B3GALT1: variants seen among roughly 807,000 people sequenced by gnomAD.
B3GALT1 encodes the protein beta-1,3-galactosyltransferase 1.
Under a neutral mutation model 23.2 loss-of-function variants are expected in B3GALT1, and 10 were observed. The observed-to-expected ratio is 0.43, with a 90% CI of 0.27 to 0.73. The LOEUF is 0.73. Ranked by LOEUF, B3GALT1 falls within the 30% of genes least tolerant of loss-of-function variation. B3GALT1 has a pLI of 0.21. For synonymous variants in B3GALT1, 156 were observed against 141.5 expected (o/e 1.10, Z -0.73); for missense variants, 299 against 405.4 (o/e 0.74, Z 2.25).
intron 1 of B3GALT1, among the ~76,000 whole-genome samples, chr2:167,330,433 C>T (rs1392487053): frequency 6.6e-6 from 1 of 151,964 alleles, no homozygotes; most frequent in Non-Finnish European, 1.5e-5. Flanking sequence ...ATAGTGAGAC[C>T]CTGTCTCTAC....
chr2:167,570,755 A>AC (rs934939017), intron 2 of B3GALT1, among the ~76,000 whole-genome samples: 55 of 151,718 alleles, frequency 3.6e-4, no homozygotes, highest in East Asian at 1.6e-3. Context: ...TTGTTTTACC[A>AC]CCCCCCAATT....
intron 2 of B3GALT1, among the ~76,000 whole-genome samples, chr2:167,560,316 G>A (rs1683950476): frequency 6.6e-6 from 1 of 152,010 alleles, no homozygotes; most frequent in African/African-American, 2.4e-5. Flanking sequence ...CACTAAACAT[G>A]GAAAGGCACA....
At chr2:167,465,333 T>G (rs1699328164) in intron 1 of B3GALT1, among the ~76,000 whole-genome samples, 2 of 152,214 alleles carry the variant, frequency 1.3e-5, no homozygotes, top group African/African-American at 4.8e-5. Flanking sequence ...TGTCTCAGTC[T>G]GTTCTTACTG....
rs1469608455 is a variant in B3GALT1 at position 167,476,421 on chromosome 2, C to T, written c.-510-13756C>T. On this transcript the variant is annotated intron_variant, in intron 1 of 4. Transcript: ENST00000392690. ...AATATCATATTTGCCCACTGGGTTG[C>T]AGCCTCAAGTCACATTTCAATTCTG... Among the ~76,000 whole-genome samples the T allele has an allele frequency of 3.3e-5, 5 of 152,102 alleles. No homozygotes were observed. The South Asian group carries it at 8.3e-4, about 25-fold the overall frequency.
intron 1 of B3GALT1, among the ~76,000 whole-genome samples, chr2:167,393,980 G>T (rs528094248): frequency 1.3e-5 from 2 of 152,220 alleles, no homozygotes; most frequent in Non-Finnish European, 1.5e-5. Flanking sequence ...TTGAATTAGA[G>T]GTGAGGATGG....
chr2:167,494,184 G>C (rs1365786957), intron 2 of B3GALT1, among the ~76,000 whole-genome samples: 1 of 151,988 alleles, frequency 6.6e-6, no homozygotes, highest in African/African-American at 2.4e-5. Context: ...TTGTGTCTAA[G>C]ATTACAGCAT....
chr2:167,511,095 A>G (rs772753538), intron 2 of B3GALT1, among the ~76,000 whole-genome samples: 1 of 152,236 alleles, frequency 6.6e-6, no homozygotes, highest in Non-Finnish European at 1.5e-5. Flanking sequence ...ATGGATATAC[A>G]GAAGGATGTT....
intron 1 of B3GALT1, among the ~76,000 whole-genome samples, chr2:167,338,210 T>C (rs1008440057): frequency 1.3e-5 from 2 of 152,188 alleles, no homozygotes; most frequent in Non-Finnish European, 2.9e-5. Flanking sequence ...TGTACAGCAG[T>C]CATCAAAAGT....
chr2:167,512,870 A>T (rs1432427056), intron 2 of B3GALT1, among the ~76,000 whole-genome samples: 1 of 148,366 alleles, frequency 6.7e-6, no homozygotes, highest in Admixed American at 6.8e-5. Context: ...TCTCAAACTT[A>T]TGAGCTCGTG....
At chr2:167,342,938 G>A (rs756080068) in intron 1 of B3GALT1, among the ~76,000 whole-genome samples, 32 of 152,192 alleles carry the variant, frequency 2.1e-4, no homozygotes, top group African/African-American at 7.0e-4. Flanking sequence ...ACAAATGCAA[G>A]TGAGCTCTTA....
chr2:167,613,806 GC>G (rs1685110258), intron 2 of B3GALT1, among the ~76,000 whole-genome samples: 1 of 151,526 alleles, frequency 6.6e-6, no homozygotes, highest in African/African-American at 2.4e-5. Context: ...TATGTGGTTT[GC>G]CCCAAGAATA....
intron 2 of B3GALT1, among the ~76,000 whole-genome samples, chr2:167,558,936 G>C (rs975609303): frequency 2.6e-5 from 4 of 152,202 alleles, no homozygotes; most frequent in Non-Finnish European, 5.9e-5. Flanking sequence ...GTCCCTGTCT[G>C]ACAGCTTTGA....
intron 2 of B3GALT1, among the ~76,000 whole-genome samples, chr2:167,642,505 C>T (rs921281020): frequency 1.3e-5 from 2 of 152,164 alleles, no homozygotes; most frequent in African/African-American, 4.8e-5. Context: ...AACTTGTCCT[C>T]TTGAGAGCTC....
intron 3 of B3GALT1, among the ~76,000 whole-genome samples, chr2:167,760,827 G>A (rs1187940575): frequency 6.6e-6 from 1 of 152,124 alleles, no homozygotes; most frequent in African/African-American, 2.4e-5. Context: ...ATATCATGTG[G>A]CACTAGAAAT....
chr2:167,620,251 T>C (rs1366134582), intron 2 of B3GALT1, among the ~76,000 whole-genome samples: 1 of 152,042 alleles, frequency 6.6e-6, no homozygotes, highest in Non-Finnish European at 1.5e-5. Flanking sequence ...GTCCATAGAA[T>C]TGCTAAATAG....
chr2:167,448,511 C>T (rs1274644394), intron 1 of B3GALT1, among the ~76,000 whole-genome samples: 1 of 151,642 alleles, frequency 6.6e-6, no homozygotes, highest in Non-Finnish European at 1.5e-5. Flanking sequence ...TTCTGGATAC[C>T]CGTCCTTTGT....
chr2:167,869,373 A>G lies in B3GALT1; in HGVS notation c.334A>G (p.Ile112Val). The change falls in exon 5 of 5, where the codon ATA becomes GTA. Residue 112 changes from isoleucine to valine, a missense_variant. Transcript: ENST00000392690. The surrounding 1 kb of genome is among the most constrained non-coding windows in gnomAD (Gnocchi z 6.4). ...GDENNFKGIK[I>V]ATLFLLGKNA... ...TGAGAACAACTTTAAGGGGATCAAG[A>G]TAGCCACCCTGTTCCTCCTGGGCAA... The G allele has an allele frequency of 1.2e-6, 2 of 1,614,148 alleles. No individual in the cohort carries two copies. The highest frequency in any genetic ancestry group is 1.7e-6 in the Non-Finnish European group (2 of 1,180,028).
intron 1 of B3GALT1, among the ~76,000 whole-genome samples, chr2:167,423,655 CAA>C (rs1698581253): frequency 6.6e-6 from 1 of 152,068 alleles, no homozygotes; most frequent in African/African-American, 2.4e-5. Context: ...AGTCCCAATC[CAA>C]AGAGAGGTTG....
At chr2:167,294,167 G>A (rs1696309723) in intron 1 of B3GALT1, among the ~76,000 whole-genome samples, 1 of 152,156 alleles carries the variant, frequency 6.6e-6, no homozygotes, top group Non-Finnish European at 1.5e-5. Flanking sequence ...CGTCCAGGTG[G>A]GGCCACTGCC....
Sources: allele counts gnomAD v4.1 joint callset (sites outside exome capture counted in the v4.1 genomes callset), GRCh38; gene constraint gnomAD v4.1.1; non-coding constraint Gnocchi (gnomAD v3.1); transcripts MANE v1.5; gene names NCBI Gene and HGNC (gene_info 2026-07-23, HGNC 2026-07-21).